The following VRK3 variants were observed in gnomAD, a reference collection of about 807,000 sequenced individuals.
VRK3 encodes VRK serine/threonine kinase 3.
Under a neutral mutation model 60.4 loss-of-function variants are expected in VRK3, and 50 were observed. The ratio of observed to expected loss-of-function variants is 0.83; its 90% CI spans 0.66 to 1.05. The LOEUF is 1.05. Among genes scored for constraint, VRK3 ranks in the 50% least tolerant of loss-of-function variants. VRK3 has a pLI of 0.00. For missense variants in VRK3, 549 were observed against 585.3 expected (o/e 0.94, Z 0.64); for synonymous variants, 246 against 227.8 (o/e 1.08, Z -0.72).
intron 3 of VRK3, among the ~76,000 whole-genome samples, chr19:50,012,484 G>A (rs1347356254): frequency 1.3e-5 from 2 of 152,006 alleles, no homozygotes; most frequent in East Asian, 1.9e-4. Context: ...ATAATCCTCG[G>A]GACAAATACA....
intron 11 of VRK3, among the ~76,000 whole-genome samples, 176 bp downstream of exon 11, chr19:49,989,463 G>C (rs983647147): frequency 6.6e-6 from 1 of 152,140 alleles, no homozygotes; most frequent in Non-Finnish European, 1.5e-5. Flanking sequence ...GTGCTGAACC[G>C]CTACCCCACC....
chr19:49,978,152 G>A (rs1013859338), intron 14 of VRK3, among the ~76,000 whole-genome samples: 3 of 152,152 alleles, frequency 2.0e-5, no homozygotes, highest in African/African-American at 7.2e-5. Flanking sequence ...GCACCGTGCT[G>A]CATGTCACAG....
At chr19:50,010,175 GTTT>G (rs1415711049) in intron 3 of VRK3, among the ~76,000 whole-genome samples, 1 of 152,000 alleles carries the variant, frequency 6.6e-6, no homozygotes, top group Non-Finnish European at 1.5e-5. Context: ...AATCATTAGA[GTTT>G]TTATTTGGTT....
At chr19:50,015,795 T>A in intron 3 of VRK3, 1 of 574,444 alleles carries the variant, frequency 1.7e-6, no homozygotes, top group South Asian at 2.6e-5. Context: ...CCAGGCTGGC[T>A]GGAGATAGAA....
At chr19:49,992,685 T>A (rs1480184268) in intron 10 of VRK3, among the ~76,000 whole-genome samples, 175 bp downstream of exon 10, 1 of 152,256 alleles carries the variant, frequency 6.6e-6, no homozygotes, top group Non-Finnish European at 1.5e-5. Context: ...GCTTTTCTTA[T>A]CCTTTGTCCA....
At chr19:50,013,168 A>G (rs2077023204) in intron 3 of VRK3, among the ~76,000 whole-genome samples, 1 of 152,222 alleles carries the variant, frequency 6.6e-6, no homozygotes, top group African/African-American at 2.4e-5. Context: ...CTCCGTCTCA[A>G]AAACAAAACA....
intron 3 of VRK3, chr19:50,015,771 C>T (rs2077065458): frequency 2.0e-6 from 1 of 501,268 alleles, no homozygotes; most frequent in African/African-American, 1.9e-5. Context: ...TATATCTCCT[C>T]CAAGCAGGGG....
At chr19:50,000,114 T>A (rs1199218478) in intron 6 of VRK3, 1 of 152,248 alleles carries the variant, frequency 6.6e-6, no homozygotes, top group African/African-American at 2.4e-5. Flanking sequence ...TTCTGGGGTG[T>A]GAGACAATTC....
chr19:49,995,078 A>C, intron 8 of VRK3, 113 bp downstream of exon 8: 1 of 1,314,566 alleles, frequency 7.6e-7, no homozygotes, highest in Non-Finnish European at 1.1e-6. Flanking sequence ...AACTACGAGA[A>C]GGCAGGAAGC....
At chr19:50,019,140 GGGAGAAAGA>G (rs1467698528) in intron 2 of VRK3, 1 of 146,154 alleles carries the variant, frequency 6.8e-6, no homozygotes, top group African/African-American at 2.5e-5. Flanking sequence ...AGTCCGGCCG[GGGAGAAAGA>G]GCGAGACTCC....
intron 4 of VRK3, among the ~76,000 whole-genome samples, chr19:50,008,238 A>G (rs143733648): frequency 6.6e-6 from 1 of 152,264 alleles, no homozygotes; most frequent in African/African-American, 2.4e-5. Context: ...CTAGACATTT[A>G]CCCAAAAACA....
intron 1 of VRK3, among the ~76,000 whole-genome samples, chr19:50,023,127 G>C (rs1308828864): frequency 6.6e-6 from 1 of 152,172 alleles, no homozygotes; most frequent in Non-Finnish European, 1.5e-5. Flanking sequence ...ACATTCTTTA[G>C]CTCTCTGTTC....
intron 10 of VRK3, among the ~76,000 whole-genome samples, chr19:49,990,990 G>T (rs1311530571): frequency 6.6e-6 from 1 of 151,982 alleles, no homozygotes; most frequent in Non-Finnish European, 1.5e-5. Flanking sequence ...GGTTCCCTAT[G>T]TTTCCCAGGC....
chr19:50,015,958 C>T lies in VRK3; in HGVS notation c.139+66G>A, dbSNP rs934608241. ...ACAGGCTGCAAAGGCATCCTCCCTC[C>T]GCAGACACACACGTGTATGCACCTT... On this transcript the variant is annotated intron_variant, in intron 3 of 14. Transcript: ENST00000316763. 65 of 1,598,452 alleles carry T rather than the reference C, an allele frequency of 4.1e-5. No individual in the cohort carries two copies. In the African/African-American group the frequency reaches 4.4e-4, roughly 11 times the overall value.
intron 6 of VRK3, chr19:49,998,174 A>G (rs183066003): frequency 2.9e-5 from 4 of 137,690 alleles, no homozygotes; most frequent in East Asian, 1.9e-4. Flanking sequence ...GCCACCATTA[A>G]TATTAGGTAT....
chr19:49,997,444 C>T lies in VRK3; in HGVS notation c.679+60G>A, dbSNP rs1043533986. On this transcript the variant is annotated intron_variant, in intron 7 of 14. Transcript: ENST00000316763. ...CATGCCTGCAGGTAGAAGTCAAGTG[C>T]TGTGACCAAGTTGGCGCCCCCCTCA... is the stretch of plus-strand genomic sequence containing the variant. The T allele has an allele frequency of 1.2e-5, 19 of 1,585,100 alleles. No individual in the cohort carries two copies. In the African/African-American group the frequency reaches 2.4e-4, roughly 20 times the overall value.
chr19:50,014,415 T>C (rs10422211), intron 3 of VRK3, among the ~76,000 whole-genome samples: 7,995 of 150,092 alleles, frequency 0.053, 694 homozygotes, highest in African/African-American at 0.18. Flanking sequence ...AAAAATCAAC[T>C]GGGCTTGGTG....
chr19:50,020,189 C>T (rs991098574), intron 2 of VRK3, among the ~76,000 whole-genome samples: 13 of 152,104 alleles, frequency 8.5e-5, no homozygotes, highest in African/African-American at 2.6e-4. Flanking sequence ...TACAGGTAGG[C>T]GCCACCATAC....
intron 3 of VRK3, among the ~76,000 whole-genome samples, chr19:50,013,132 A>C (rs1389787087): frequency 6.6e-6 from 1 of 152,164 alleles, no homozygotes; most frequent in African/African-American, 2.4e-5. Context: ...GCGTCACTGC[A>C]CTCCAGCCTG....
Sources: gnomAD v4.1 joint callset for allele counts (sites outside exome capture counted in the v4.1 genomes callset) on GRCh38, gnomAD v4.1.1 for gene constraint, MANE v1.5 for transcripts, NCBI Gene and HGNC (gene_info 2026-07-23, HGNC 2026-07-21) for gene names.